UQCC6: variants seen among roughly 807,000 people sequenced by gnomAD.
UQCC6 encodes protein BRAWNIN.
the UQCC6 span, among the ~76,000 whole-genome samples, chr12:103,960,873 A>G: frequency 6.6e-6 from 1 of 152,230 alleles, no homozygotes. Flanking sequence ...ACTACATAAT[A>G]CTTGATAATA....
chr12:103,965,698 C>T, the UQCC6 span: 13 of 319,018 alleles, frequency 4.1e-5, no homozygotes, highest in South Asian at 1.4e-4. Flanking sequence ...GCTCCTAGTC[C>T]CCGTCTTCTG....
the UQCC6 span, among the ~76,000 whole-genome samples, chr12:103,958,055 T>A: frequency 6.8e-6 from 1 of 146,760 alleles, no homozygotes; most frequent in Non-Finnish European, 1.5e-5. Flanking sequence ...TGTATATATA[T>A]ACACACAAAA....
At chr12:103,951,429 C>A in the UQCC6 span, 1 of 655,802 alleles carries the variant, frequency 1.5e-6, no homozygotes, top group Non-Finnish European at 2.6e-6. Flanking sequence ...TTGCAGTTAG[C>A]ATTAGACTAA....
chr12:103,959,728 A>AATG, the UQCC6 span, among the ~76,000 whole-genome samples: 4 of 151,904 alleles, frequency 2.6e-5, no homozygotes, highest in Non-Finnish European at 5.9e-5. Flanking sequence ...TAATAATAAT[A>AATG]ATTAACTTTT....
the UQCC6 span, among the ~76,000 whole-genome samples, chr12:103,965,028 G>A: frequency 2.0e-5 from 3 of 152,168 alleles, no homozygotes; most frequent in Non-Finnish European, 2.9e-5. Context: ...ACCACTGAAG[G>A]TTTGGAGTTA....
At chr12:103,961,539 TG>T in the UQCC6 span, among the ~76,000 whole-genome samples, 15 of 21,078 alleles carry the variant, frequency 7.1e-4, 1 homozygote, top group Admixed American at 9.9e-3. Context: ...TGTTTGGTTT[TG>T]TTGTTGTTGT....
At chr12:103,951,493 CTT>C in the UQCC6 span, 20 of 1,224,506 alleles carry the variant, frequency 1.6e-5, no homozygotes, top group South Asian at 5.4e-5. Context: ...ATATTTAAGA[CTT>C]ATATTATTCA....
the UQCC6 span, among the ~76,000 whole-genome samples, chr12:103,954,282 T>A: frequency 6.6e-6 from 1 of 151,608 alleles, no homozygotes; most frequent in East Asian, 1.9e-4. Context: ...CATGCACAGG[T>A]GTATTTGTCC....
the UQCC6 span, chr12:103,955,741 C>T: frequency 1.8e-4 from 80 of 455,836 alleles, 1 homozygote; most frequent in East Asian, 5.1e-3. Context: ...ATGACTGCTC[C>T]CAACATTGTG....
chr12:103,952,463 T>A, the UQCC6 span, among the ~76,000 whole-genome samples: 59 of 152,230 alleles, frequency 3.9e-4, 1 homozygote, highest in Non-Finnish European at 5.7e-4. Flanking sequence ...TTGGATATTA[T>A]GAATAATACT....
the UQCC6 span, chr12:103,956,692 G>A: frequency 6.4e-7 from 1 of 1,551,720 alleles, no homozygotes; most frequent in Non-Finnish European, 8.7e-7. Flanking sequence ...CAGGAGACTG[G>A]CTGCGAACAT....
chr12:103,954,210 G>A, the UQCC6 span, among the ~76,000 whole-genome samples: 2 of 152,244 alleles, frequency 1.3e-5, no homozygotes, highest in Admixed American at 6.5e-5. Context: ...GCAGAGAAAT[G>A]TGTACGTGAA....
the UQCC6 span, among the ~76,000 whole-genome samples, chr12:103,960,795 G>A: frequency 6.6e-6 from 1 of 152,096 alleles, no homozygotes; most frequent in Admixed American, 6.5e-5. Context: ...CCATGTGTCC[G>A]TGGTGATGCT....
the UQCC6 span, chr12:103,950,196 A>G: frequency 6.6e-6 from 1 of 152,350 alleles, no homozygotes; most frequent in East Asian, 1.9e-4. Context: ...AAACATTATT[A>G]GGGGATAATA....
the UQCC6 span, chr12:103,955,906 C>A: frequency 9.3e-6 from 4 of 428,612 alleles, no homozygotes. Flanking sequence ...ATTTAAATTT[C>A]TCCTTCCTTT....
chr12:103,962,546 GCT>G, the UQCC6 span, among the ~76,000 whole-genome samples: 1 of 152,158 alleles, frequency 6.6e-6, no homozygotes, highest in Admixed American at 6.5e-5. Context: ...AGAGGTGGAA[GCT>G]CTTCTCCATA....
the UQCC6 span, chr12:103,956,801 G>T: frequency 8.3e-7 from 1 of 1,205,478 alleles, no homozygotes; most frequent in Middle Eastern, 2.0e-4. Flanking sequence ...CGACTACACC[G>T]CGCCAGGGCT....
chr12:103,953,482 A>C, the UQCC6 span: 1 of 702,268 alleles, frequency 1.4e-6, no homozygotes, highest in Non-Finnish European at 2.6e-6. Context: ...CCTCTGCTCG[A>C]CTCTGCCCAG....
At chr12:103,960,220 G>A in the UQCC6 span, among the ~76,000 whole-genome samples, 6 of 152,144 alleles carry the variant, frequency 3.9e-5, no homozygotes, top group South Asian at 2.1e-4. Flanking sequence ...ACAGGCAGGC[G>A]CCACCACGCC....
Sources: gnomAD v4.1 joint callset for allele counts (sites outside exome capture counted in the v4.1 genomes callset) on GRCh38, gnomAD v4.1.1 for gene constraint, MANE v1.5 for transcripts, NCBI Gene and HGNC (gene_info 2026-07-23, HGNC 2026-07-21) for gene names.